PTPN3: variants seen among roughly 807,000 people sequenced by gnomAD.
PTPN3 encodes the protein protein tyrosine phosphatase non-receptor type 3.
In PTPN3, 96 loss-of-function variants were observed where a neutral mutation model predicts 132.7. The observed-to-expected ratio is 0.72, with a 90% CI of 0.61 to 0.86. The LOEUF is 0.86. Ranked by LOEUF, PTPN3 falls within the 40% of genes least tolerant of loss-of-function variation. The pLI, the probability that PTPN3 is intolerant of heterozygous loss-of-function variation, is 0.00. For synonymous variants in PTPN3, 398 were observed against 429.0 expected (o/e 0.93, Z 0.89); for missense variants, 1,125 against 1,159.6 (o/e 0.97, Z 0.43).
chr9:109,448,241 G>A (rs893165727), intron 6 of PTPN3, among the ~76,000 whole-genome samples: 8 of 152,112 alleles, frequency 5.3e-5, no homozygotes, highest in African/African-American at 9.7e-5. Flanking sequence ...TTGGGGGTGC[G>A]GTGAAGAGAC....
At chr9:109,441,302 A>C (rs944194686) in intron 7 of PTPN3, among the ~76,000 whole-genome samples, 1 of 152,238 alleles carries the variant, frequency 6.6e-6, no homozygotes, top group African/African-American at 2.4e-5. Context: ...GTTTTGCAGC[A>C]AAGAGAGGGT....
In PTPN3 at chr9:109,490,920, C is replaced by T. The variant is rs138795790; in HGVS notation, c.-18+7299G>A. ...AACTGGCAAAACCTAACATCTAGGC[C>T]GGGCGCAGTGGCTCGGGCCTGTATC... On this transcript the variant is annotated intron_variant, in intron 1 of 25. Coordinates refer to ENST00000374541, the MANE Select transcript of PTPN3 (RefSeq NM_002829.4). Among the ~76,000 whole-genome samples, 78 of 150,448 alleles carry T rather than the reference C, an allele frequency of 5.2e-4. 2 individuals are homozygous for T. Among genetic ancestry groups the T allele is most frequent in the African/African-American group, 1.8e-3 (74 of 40,904 alleles).
intron 1 of PTPN3, among the ~76,000 whole-genome samples, chr9:109,464,200 G>T (rs1366841057): frequency 6.6e-6 from 1 of 152,198 alleles, no homozygotes; most frequent in Non-Finnish European, 1.5e-5. Flanking sequence ...TGCAACCACT[G>T]TACGATGGAA....
chr9:109,406,157 G>C (rs530702769), intron 18 of PTPN3, among the ~76,000 whole-genome samples: 70 of 152,324 alleles, frequency 4.6e-4, no homozygotes, highest in African/African-American at 1.4e-3. Flanking sequence ...GCCACTTAGA[G>C]AGTGCGTGAT....
intron 14 of PTPN3, among the ~76,000 whole-genome samples, chr9:109,419,766 T>C (rs1842763696): frequency 6.6e-6 from 1 of 152,124 alleles, no homozygotes; most frequent in Admixed American, 6.5e-5. Flanking sequence ...ACAAATGGGT[T>C]AAATATATCC....
At chr9:109,530,521 A>G in the PTPN3 span, among the ~76,000 whole-genome samples, 1 of 152,172 alleles carries the variant, frequency 6.6e-6, no homozygotes, top group African/African-American at 2.4e-5. Flanking sequence ...TGGTGCTGCT[A>G]TGAACATGTT....
chr9:109,523,648 A>T, the PTPN3 span, among the ~76,000 whole-genome samples: 1 of 152,286 alleles, frequency 6.6e-6, no homozygotes, highest in African/African-American at 2.4e-5. Context: ...GGCCATTGAA[A>T]CAGGTGACCT....
intron 1 of PTPN3, among the ~76,000 whole-genome samples, chr9:109,475,695 A>C (rs1200762333): frequency 6.6e-6 from 1 of 152,236 alleles, no homozygotes; most frequent in Non-Finnish European, 1.5e-5. Flanking sequence ...TTTCTATCTT[A>C]GGCTCTGGCC....
the PTPN3 span, among the ~76,000 whole-genome samples, chr9:109,525,768 C>T: frequency 1.1e-3 from 160 of 152,262 alleles, no homozygotes; most frequent in African/African-American, 3.7e-3. Flanking sequence ...ACTAGGAGAA[C>T]TTTTTGGGAG....
At chr9:109,528,702 CTATATATATGTA>C in the PTPN3 span, among the ~76,000 whole-genome samples, 6 of 108,342 alleles carry the variant, frequency 5.5e-5, no homozygotes, top group South Asian at 3.2e-4. Flanking sequence ...GTGCACTTTT[CTATATATATGTA>C]TATATATATG....
chr9:109,443,480 G>A (rs117671401), intron 7 of PTPN3, among the ~76,000 whole-genome samples: 6 of 152,228 alleles, frequency 3.9e-5, no homozygotes, highest in Admixed American at 1.3e-4. Flanking sequence ...CAAAATACTG[G>A]GATTACATGC....
chr9:109,527,235 C>T, the PTPN3 span, among the ~76,000 whole-genome samples: 12 of 152,202 alleles, frequency 7.9e-5, no homozygotes, highest in African/African-American at 1.9e-4. Context: ...CCAAGGTGGG[C>T]GGATAATTTG....
intron 8 of PTPN3, 110 bp downstream of exon 8, chr9:109,438,004 G>T (rs1358169314): frequency 1.5e-6 from 2 of 1,319,922 alleles, no homozygotes; most frequent in African/African-American, 1.5e-5. Context: ...CCGACATCTT[G>T]AAAGAGGATT....
intron 19 of PTPN3, among the ~76,000 whole-genome samples, chr9:109,401,180 C>T (rs949185222): frequency 1.3e-5 from 2 of 152,202 alleles, no homozygotes; most frequent in African/African-American, 2.4e-5. Flanking sequence ...TGTATACGTT[C>T]TCCTTTTCTT....
chr9:109,391,867 A>ATG (rs1194150677), intron 19 of PTPN3, among the ~76,000 whole-genome samples: 5 of 23,568 alleles, frequency 2.1e-4, no homozygotes, highest in African/African-American at 8.6e-4. Flanking sequence ...AAGCAACTAG[A>ATG]TGTGGGGGGG....
At chr9:109,380,171 AG>A (rs1194397236) in intron 25 of PTPN3, among the ~76,000 whole-genome samples, 2 of 152,178 alleles carry the variant, frequency 1.3e-5, no homozygotes, top group African/African-American at 4.8e-5. Flanking sequence ...CAAAGTATAC[AG>A]GGGGGATAAA....
At chr9:109,509,993 T>C in the PTPN3 span, among the ~76,000 whole-genome samples, 7 of 152,080 alleles carry the variant, frequency 4.6e-5, no homozygotes, top group Admixed American at 3.3e-4. Flanking sequence ...GAAATGGGGA[T>C]AGACAAGGCC....
chr9:109,380,791 T>C (rs1017628092), intron 25 of PTPN3, among the ~76,000 whole-genome samples: 2 of 152,174 alleles, frequency 1.3e-5, no homozygotes, highest in Non-Finnish European at 2.9e-5. Context: ...GGTTGGAACA[T>C]ATAGTTCCTG....
the PTPN3 span, among the ~76,000 whole-genome samples, chr9:109,526,368 A>T: frequency 6.6e-6 from 1 of 151,666 alleles, no homozygotes; most frequent in Non-Finnish European, 1.5e-5. Flanking sequence ...GGAAATGATT[A>T]GTTTATTTTA....
Sources: gnomAD v4.1 joint callset for allele counts (sites outside exome capture counted in the v4.1 genomes callset) on GRCh38, gnomAD v4.1.1 for gene constraint, MANE v1.5 for transcripts, NCBI Gene and HGNC (gene_info 2026-07-23, HGNC 2026-07-21) for gene names.